Variants in RBKS observed in about 807,000 individuals in gnomAD.
RBKS encodes ribokinase.
RBKS carries 33 observed loss-of-function variants against 33.9 expected under a neutral mutation model. The observed-to-expected ratio is 0.97, with a 90% CI of 0.74 to 1.30. The LOEUF is 1.30. RBKS is among the 50% of genes most tolerant of loss of function. RBKS has a pLI of 0.00. For missense variants in RBKS, 361 were observed against 392.6 expected, an observed-to-expected ratio of 0.92 and a Z score of 0.68; for synonymous variants, 125 against 143.0, an observed-to-expected ratio of 0.87 and a Z score of 0.90.
intron 7 of RBKS, among the ~76,000 whole-genome samples, chr2:27,797,026 A>C (rs1163764065): frequency 6.6e-6 from 1 of 152,198 alleles, no homozygotes; most frequent in African/African-American, 2.4e-5. Flanking sequence ...CTGCTCTCTA[A>C]TAAACGCTGT....
chr2:27,878,299 C>A (rs1231974799), intron 1 of RBKS, among the ~76,000 whole-genome samples: 2 of 151,466 alleles, frequency 1.3e-5, no homozygotes, highest in African/African-American at 2.4e-5. Context: ...TTTGTTCTTG[C>A]GATAGTTTAC....
chr2:27,872,684 A>G (rs1664239421), intron 1 of RBKS, among the ~76,000 whole-genome samples: 1 of 152,228 alleles, frequency 6.6e-6, no homozygotes, highest in Non-Finnish European at 1.5e-5. Context: ...AAAATACATA[A>G]AACCAAAAAA....
At chr2:27,867,906 T>G (rs1451859237) in intron 1 of RBKS, among the ~76,000 whole-genome samples, 1 of 152,160 alleles carries the variant, frequency 6.6e-6, no homozygotes, top group Non-Finnish European at 1.5e-5. Context: ...AAGGGTTTGG[T>G]GGAACAAAGT....
At chr2:27,856,586 C>G (rs1212788674) in intron 2 of RBKS, among the ~76,000 whole-genome samples, 1 of 152,098 alleles carries the variant, frequency 6.6e-6, no homozygotes, top group Non-Finnish European at 1.5e-5. Flanking sequence ...GAAGAGATCC[C>G]AGGGGACATC....
intron 1 of RBKS, chr2:27,861,603 A>G (rs548214984): frequency 2.1e-6 from 1 of 469,500 alleles, no homozygotes; most frequent in Admixed American, 2.4e-5. Flanking sequence ...TGATGCAAGT[A>G]ATACACGAGT....
intron 7 of RBKS, among the ~76,000 whole-genome samples, chr2:27,789,970 T>C (rs573854142): frequency 4.4e-5 from 6 of 137,824 alleles, no homozygotes; most frequent in African/African-American, 1.7e-4. Context: ...TATATATATA[T>C]ATGTATATAT....
At chr2:27,885,273 T>C (rs893910241) in intron 1 of RBKS, among the ~76,000 whole-genome samples, 12 of 152,206 alleles carry the variant, frequency 7.9e-5, no homozygotes, top group Non-Finnish European at 2.9e-5. Context: ...CTTGCCTAGA[T>C]TGTTGGGATT....
rs1467523630 is a variant in RBKS at position 27,819,073 on chromosome 2, T to C, written c.795+8494A>G. On this transcript the variant is annotated intron_variant, in intron 7 of 7. Coordinates refer to ENST00000302188, the MANE Select transcript of RBKS (RefSeq NM_022128.3). Reference sequence around the variant, plus strand: ...TCACTTCTGAAGCACATTCACTTGATTCCTTGTGTGTATTAGGCTGCTAGG... The same window carrying C: ...TCACTTCTGAAGCACATTCACTTGACTCCTTGTGTGTATTAGGCTGCTAGG... Among the ~76,000 whole-genome samples the C allele has an allele frequency of 3.9e-5, 6 of 152,226 alleles. 1 individual carries two copies.
chr2:27,783,635 C>G (rs1347850048), intron 7 of RBKS, among the ~76,000 whole-genome samples: 1 of 151,954 alleles, frequency 6.6e-6, no homozygotes, highest in African/African-American at 2.4e-5. Flanking sequence ...AGGCCGGGCG[C>G]AGTGGCTCAC....
intron 6 of RBKS, among the ~76,000 whole-genome samples, chr2:27,829,246 A>G (rs1445852266): frequency 6.6e-6 from 1 of 150,434 alleles, no homozygotes; most frequent in East Asian, 2.0e-4. Context: ...TAGGTTGTTG[A>G]TTGTGCTGGG....
chr2:27,793,101 T>G (rs1053728088), intron 7 of RBKS, among the ~76,000 whole-genome samples: 1 of 152,178 alleles, frequency 6.6e-6, no homozygotes, highest in Admixed American at 6.5e-5. Context: ...AACAGTCACA[T>G]TAAATGTTAT....
intron 1 of RBKS, among the ~76,000 whole-genome samples, chr2:27,882,351 GA>G (rs1362770801): frequency 6.6e-6 from 1 of 152,136 alleles, no homozygotes; most frequent in African/African-American, 2.4e-5. Flanking sequence ...GATCATTAGC[GA>G]AATACAAATC....
At chr2:27,852,656 T>C (rs185072885) in intron 2 of RBKS, among the ~76,000 whole-genome samples, 25 of 152,268 alleles carry the variant, frequency 1.6e-4, no homozygotes, top group African/African-American at 6.0e-4. Flanking sequence ...TCAACATACA[T>C]TTGGGGTAAA....
chr2:27,794,692 C>T (rs569909105), intron 7 of RBKS, among the ~76,000 whole-genome samples: 1 of 150,140 alleles, frequency 6.7e-6, no homozygotes, highest in African/African-American at 2.5e-5. Flanking sequence ...AGCACGATCT[C>T]GGCTCACTGC....
intron 1 of RBKS, among the ~76,000 whole-genome samples, chr2:27,867,103 C>A (rs367793947): frequency 7.7e-4 from 108 of 140,794 alleles, no homozygotes; most frequent in Non-Finnish European, 5.8e-4. Context: ...GACCCTGTCT[C>A]AAAAAAAAAA....
intron 2 of RBKS, among the ~76,000 whole-genome samples, chr2:27,853,364 A>AAAG (rs1663789680): frequency 6.6e-6 from 1 of 151,270 alleles, no homozygotes; most frequent in African/African-American, 2.4e-5. Context: ...AAAAAAAAAA[A>AAAG]AAAAAAAAAA....
chr2:27,868,880 T>C (rs542095482), intron 1 of RBKS, among the ~76,000 whole-genome samples: 2 of 152,350 alleles, frequency 1.3e-5, no homozygotes, highest in African/African-American at 2.4e-5. Context: ...GTAAGTCCAA[T>C]TGAAATAACT....
chr2:27,814,475 G>T (rs1678050578), intron 7 of RBKS, among the ~76,000 whole-genome samples: 1 of 152,094 alleles, frequency 6.6e-6, no homozygotes, highest in African/African-American at 2.4e-5. Context: ...GAGGCAATCT[G>T]ATTTGCCTTG....
chr2:27,842,983 T>C (rs1266659548), intron 5 of RBKS, 84 bp downstream of exon 5: 2 of 1,012,884 alleles, frequency 2.0e-6, no homozygotes, highest in Non-Finnish European at 2.8e-6. Context: ...GAAAGAGTAT[T>C]GCTTTGCTTA....
Sources: allele counts gnomAD v4.1 joint callset (sites outside exome capture counted in the v4.1 genomes callset), GRCh38; gene constraint gnomAD v4.1.1; transcripts MANE v1.5; gene names NCBI Gene and HGNC (gene_info 2026-07-23, HGNC 2026-07-21).